The following TMEM132C variants were observed in gnomAD, a reference collection of about 807,000 sequenced individuals.
The protein encoded by TMEM132C is protein phosphatase 1, regulatory subunit 152.
TMEM132C carries 29 observed loss-of-function variants against 61.4 expected under a neutral mutation model. That is an observed-to-expected ratio of 0.47 (90% CI 0.35 to 0.64). TMEM132C has a LOEUF of 0.64. Among genes scored for constraint, TMEM132C ranks in the 30% least tolerant of loss-of-function variants. The pLI is 0.00. For missense variants in TMEM132C, 1,408 were observed against 1,476.9 expected, an observed-to-expected ratio of 0.95 and a Z score of 0.76; for synonymous variants, 656 against 633.1, an observed-to-expected ratio of 1.04 and a Z score of -0.54.
chr12:128,655,877 C>A (rs1470220377), intron 4 of TMEM132C, among the ~76,000 whole-genome samples: 1 of 152,198 alleles, frequency 6.6e-6, no homozygotes, highest in Non-Finnish European at 1.5e-5. Flanking sequence ...AAAGAAATAT[C>A]TACATAAGTT....
In TMEM132C at chr12:128,618,441, C is replaced by T. The variant is rs146250539; in HGVS notation, c.1305+2106C>T. ...TCAAAAGTTCATTGATAAACAAACA[C>T]CTTTGCAGCACCAGCACAGAGCTCT... On this transcript the variant is annotated intron_variant, in intron 4 of 8. Coordinates refer to ENST00000435159, the MANE Select transcript of TMEM132C (RefSeq NM_001136103.3). Among the ~76,000 whole-genome samples, 203 of 152,246 alleles carry T rather than the reference C, an allele frequency of 1.3e-3. 1 individual carries two copies. The highest frequency in any genetic ancestry group is 4.1e-3 in the South Asian group (20 of 4,822).
chr12:128,643,114 GAA>G (rs1341654060), intron 4 of TMEM132C, among the ~76,000 whole-genome samples: 3 of 152,086 alleles, frequency 2.0e-5, no homozygotes, highest in African/African-American at 7.2e-5. Context: ...TCACTTCAAA[GAA>G]AGAGACAAGA....
intron 1 of TMEM132C, among the ~76,000 whole-genome samples, chr12:128,291,056 C>T (rs140217582): frequency 3.3e-5 from 5 of 152,268 alleles, no homozygotes; most frequent in Non-Finnish European, 7.4e-5. Context: ...GCACCATCCT[C>T]CTGGTGAGGT....
At chr12:128,502,840 G>A (rs548922781) in intron 2 of TMEM132C, among the ~76,000 whole-genome samples, 14 of 152,304 alleles carry the variant, frequency 9.2e-5, no homozygotes, top group East Asian at 3.9e-4. Context: ...AGGCCTTGGC[G>A]GCACCCAGTT....
chr12:128,341,790 G>T (rs1454838912), intron 1 of TMEM132C, among the ~76,000 whole-genome samples: 1 of 152,200 alleles, frequency 6.6e-6, no homozygotes, highest in Non-Finnish European at 1.5e-5. Flanking sequence ...CCATGGAACT[G>T]TTAACTCAGC....
chr12:128,445,849 C>G (rs961813070), intron 2 of TMEM132C, among the ~76,000 whole-genome samples: 3 of 152,164 alleles, frequency 2.0e-5, no homozygotes, highest in Admixed American at 2.0e-4. Flanking sequence ...CTAGAATGCT[C>G]TATCTTCAGA....
chr12:128,366,575 T>C (rs1873879295), intron 1 of TMEM132C, among the ~76,000 whole-genome samples: 1 of 152,140 alleles, frequency 6.6e-6, no homozygotes, highest in Non-Finnish European at 1.5e-5. Flanking sequence ...TCTCCCACCC[T>C]GTTCAGTAAG....
chr12:128,524,434 T>C (rs990864083), intron 2 of TMEM132C, among the ~76,000 whole-genome samples: 1 of 152,214 alleles, frequency 6.6e-6, no homozygotes, highest in Non-Finnish European at 1.5e-5. Context: ...CTGCTGGCTT[T>C]AGCCCTACAT....
rs1327538740 is a variant in TMEM132C at position 128,544,141 on chromosome 12, G to A, written c.1121+38G>A. ...CTCCCTGCAAGCGTGTGTGGTTCCT[G>A]GTCCCGGGCCCAGGCCGGCTGGTGC... is the stretch of plus-strand genomic sequence containing the variant. On this transcript the variant is annotated intron_variant, in intron 3 of 8. Coordinates refer to ENST00000435159, the MANE Select transcript of TMEM132C (RefSeq NM_001136103.3). 5 of 1,459,790 alleles carry A rather than the reference G, an allele frequency of 3.4e-6. No individual in the cohort carries two copies. The Admixed American group carries it at 1.3e-4, about 39-fold the overall frequency. 90.4% of individuals were successfully genotyped at this position (1,459,790 alleles called of 1,614,324 possible).
intron 1 of TMEM132C, among the ~76,000 whole-genome samples, chr12:128,387,562 A>G (rs1264962286): frequency 1.3e-5 from 2 of 152,220 alleles, no homozygotes; most frequent in Non-Finnish European, 2.9e-5. Flanking sequence ...CTGTAATCCT[A>G]GCACTTTGGG....
chr12:128,333,121 G>A lies in TMEM132C; in HGVS notation c.85+65634G>A, dbSNP rs1872702183. The stretch of plus-strand genomic sequence containing the variant: ...GTATGAACGCTGTGTGTTTATGTGA[G>A]TGCTGTTTTTATGTGTATGTGTGTG... On this transcript the variant is annotated intron_variant, in intron 1 of 8. Coordinates refer to ENST00000435159, the MANE Select transcript of TMEM132C (RefSeq NM_001136103.3). Among the ~76,000 whole-genome samples the A allele has an allele frequency of 2.6e-5, 4 of 151,824 alleles. No individual in the cohort carries two copies. The South Asian group carries it at 8.3e-4, about 32-fold the overall frequency.
intron 2 of TMEM132C, among the ~76,000 whole-genome samples, chr12:128,519,367 C>T (rs987045362): frequency 3.3e-5 from 5 of 152,198 alleles, no homozygotes; most frequent in Non-Finnish European, 7.3e-5. Context: ...CTAGGACTGT[C>T]CTGAATGAAC....
chr12:128,375,874 C>T (rs752994824), intron 1 of TMEM132C, among the ~76,000 whole-genome samples: 4 of 152,150 alleles, frequency 2.6e-5, no homozygotes, highest in Admixed American at 6.5e-5. Flanking sequence ...GCGAGGGTGG[C>T]ATATCCAGGG....
At chr12:128,464,910 C>T (rs79938529) in intron 2 of TMEM132C, among the ~76,000 whole-genome samples, 324 of 152,098 alleles carry the variant, frequency 2.1e-3, no homozygotes, top group Non-Finnish European at 3.7e-3. Context: ...TTAGGGACAA[C>T]GGTGAGGGGT....
At chr12:128,504,735 T>A (rs1182624037) in intron 2 of TMEM132C, among the ~76,000 whole-genome samples, 1 of 147,702 alleles carries the variant, frequency 6.8e-6, no homozygotes, top group Non-Finnish European at 1.5e-5. Flanking sequence ...CCTCAGATAA[T>A]CTTCATTACC....
chr12:128,457,320 A>C (rs1417177170), intron 2 of TMEM132C, among the ~76,000 whole-genome samples: 1 of 151,628 alleles, frequency 6.6e-6, no homozygotes, highest in African/African-American at 2.4e-5. Context: ...AAAAAAAAAA[A>C]AACAGCGCTT....
chr12:128,359,367 C>T (rs536316446), intron 1 of TMEM132C, among the ~76,000 whole-genome samples: 1 of 152,292 alleles, frequency 6.6e-6, no homozygotes, highest in East Asian at 1.9e-4. Flanking sequence ...ACCATCAGAT[C>T]TGGCAAGACT....
intron 4 of TMEM132C, among the ~76,000 whole-genome samples, chr12:128,660,241 G>A (rs1954373209): frequency 6.6e-6 from 1 of 152,118 alleles, no homozygotes; most frequent in African/African-American, 2.4e-5. Flanking sequence ...TGTGGCCCTG[G>A]GCAAGTCATT....
chr12:128,599,605 A>G (rs1876096460), intron 3 of TMEM132C, among the ~76,000 whole-genome samples: 1 of 152,360 alleles, frequency 6.6e-6, no homozygotes, highest in Non-Finnish European at 1.5e-5. Context: ...ACCAAAATGA[A>G]AAGTGATACC....
Sources: allele counts gnomAD v4.1 joint callset (sites outside exome capture counted in the v4.1 genomes callset), GRCh38; gene constraint gnomAD v4.1.1; transcripts MANE v1.5; gene names NCBI Gene and HGNC (gene_info 2026-07-23, HGNC 2026-07-21).